CSMD1: variants seen among roughly 807,000 people sequenced by gnomAD.
The protein encoded by CSMD1 is CUB and Sushi multiple domains 1, also known as CUB and sushi domain-containing protein 1.
Under a neutral mutation model 417.5 loss-of-function variants are expected in CSMD1, and 213 were observed. The observed-to-expected ratio is 0.51, with a 90% CI of 0.46 to 0.57. The LOEUF is 0.57. Among genes scored for constraint, CSMD1 ranks in the 20% least tolerant of loss-of-function variants. CSMD1 has a pLI of 0.00. For missense variants in CSMD1, 6,923 were observed against 4,529.7 expected (o/e 1.53, Z -15.17); for synonymous variants, 2,862 against 1,736.8 (o/e 1.65, Z -16.11).
chr8:3,658,740 G>C (rs937622732), intron 7 of CSMD1, among the ~76,000 whole-genome samples: 1 of 152,076 alleles, frequency 6.6e-6, no homozygotes, highest in Non-Finnish European at 1.5e-5. Context: ...CCAAGATCGT[G>C]CCACTGAACT....
At chr8:3,801,472 T>C (rs1449050339) in intron 5 of CSMD1, among the ~76,000 whole-genome samples, 2 of 152,118 alleles carry the variant, frequency 1.3e-5, no homozygotes, top group African/African-American at 2.4e-5. Context: ...CAGATGATAA[T>C]AGGCACTGGC....
intron 3 of CSMD1, among the ~76,000 whole-genome samples, chr8:4,176,320 G>A (rs574154270): frequency 2.0e-5 from 3 of 152,208 alleles, no homozygotes; most frequent in Admixed American, 6.5e-5. Context: ...TATATTGTTT[G>A]CTGACGTCAA....
intron 39 of CSMD1, among the ~76,000 whole-genome samples, chr8:3,153,779 G>A (rs2129036716): frequency 6.6e-6 from 1 of 152,278 alleles, no homozygotes; most frequent in Middle Eastern, 3.4e-3. Flanking sequence ...CTGTGTGATG[G>A]GAAACTGATC....
Position 2,989,839 on chromosome 8 carries a change from T to C in CSMD1, c.8377+8172A>G, listed in dbSNP as rs899544027. 2.6e-5 allele frequency among the ~76,000 whole-genome samples: 4 copies of C among 152,352 alleles called. No homozygotes were observed. The East Asian group carries it at 7.7e-4, about 29-fold the overall frequency. ...ACAAGTTTTGTGTCCAATGCACAGA[T>C]GCCACGGCAGATTGGGTGAGTCTTC... On this transcript the variant is annotated intron_variant, in intron 54 of 69. Coordinates refer to ENST00000635120, the MANE Select transcript of CSMD1 (RefSeq NM_033225.6).
chr8:3,504,494 A>G (rs1325827500), intron 10 of CSMD1, among the ~76,000 whole-genome samples: 1 of 152,152 alleles, frequency 6.6e-6, no homozygotes, highest in Non-Finnish European at 1.5e-5. Context: ...TGTGTTCATT[A>G]TTATCCTCAT....
intron 6 of CSMD1, among the ~76,000 whole-genome samples, chr8:3,731,254 T>G (rs1436774660): frequency 6.6e-6 from 1 of 152,218 alleles, no homozygotes; most frequent in Non-Finnish European, 1.5e-5. Context: ...ATGACGTGCA[T>G]TCTACATTGA....
intron 1 of CSMD1, among the ~76,000 whole-genome samples, chr8:4,941,331 T>C (rs555806030): frequency 1.3e-5 from 2 of 152,304 alleles, no homozygotes; most frequent in East Asian, 3.9e-4. Context: ...ACACGCTTCA[T>C]AATAAATGTT....
chr8:3,929,322 A>G (rs1041932309), intron 5 of CSMD1, among the ~76,000 whole-genome samples: 1 of 150,590 alleles, frequency 6.6e-6, no homozygotes, highest in Non-Finnish European at 1.5e-5. Flanking sequence ...CTCATCTTCC[A>G]GGTACAAACT....
At chr8:2,950,170 T>C (rs937683029) in intron 67 of CSMD1, 61 bp downstream of exon 67, 63 of 1,121,628 alleles carry the variant, frequency 5.6e-5, no homozygotes, top group Non-Finnish European at 7.1e-5. Context: ...AGCCCTTGCA[T>C]CTGCACAGAG....
At chr8:4,066,489 T>C (rs557295606) in intron 3 of CSMD1, among the ~76,000 whole-genome samples, 2 of 152,338 alleles carry the variant, frequency 1.3e-5, no homozygotes, top group East Asian at 1.9e-4. Flanking sequence ...TTAATTAATC[T>C]ATTGACTTGA....
At chr8:3,504,621 T>A (rs1032758523) in intron 10 of CSMD1, among the ~76,000 whole-genome samples, 1 of 152,234 alleles carries the variant, frequency 6.6e-6, no homozygotes, top group Admixed American at 6.5e-5. Context: ...AAAACTCATC[T>A]GTCTTCTCTC....
At chr8:4,120,690 G>A (rs1381006886) in intron 3 of CSMD1, among the ~76,000 whole-genome samples, 1 of 152,198 alleles carries the variant, frequency 6.6e-6, no homozygotes, top group Non-Finnish European at 1.5e-5. Context: ...AAGTTTAGAT[G>A]CCAAATACAT....
chr8:4,654,542 G>C (rs566108960), intron 1 of CSMD1, among the ~76,000 whole-genome samples: 1 of 152,210 alleles, frequency 6.6e-6, no homozygotes, highest in Admixed American at 6.5e-5. Flanking sequence ...AGGCACAGTG[G>C]AGTTTAGAGG....
At chr8:3,773,509 A>C (rs1798729813) in intron 5 of CSMD1, among the ~76,000 whole-genome samples, 1 of 151,434 alleles carries the variant, frequency 6.6e-6, no homozygotes, top group Non-Finnish European at 1.5e-5. Context: ...CTGGTCTTGA[A>C]CTCCTGGACT....
chr8:3,674,810 T>C (rs1164193490), intron 7 of CSMD1, among the ~76,000 whole-genome samples: 2 of 152,132 alleles, frequency 1.3e-5, no homozygotes, highest in African/African-American at 2.4e-5. Context: ...CAATTCCAAA[T>C]GAGGCTGCAC....
At chr8:3,475,193 A>AC (rs34695444) in intron 11 of CSMD1, among the ~76,000 whole-genome samples, 31,515 of 151,878 alleles carry the variant, frequency 0.21, 4,437 homozygotes, top group East Asian at 0.61. Flanking sequence ...CCAGATTAGG[A>AC]TTTTTGCCTC....
intron 25 of CSMD1, among the ~76,000 whole-genome samples, chr8:3,290,576 T>C (rs2117273740): frequency 6.8e-6 from 1 of 146,762 alleles, no homozygotes; most frequent in Admixed American, 6.7e-5. Flanking sequence ...TATTTTGTTC[T>C]CTTTGAAGCA....
At chr8:4,320,894 G>C (rs532428450) in intron 3 of CSMD1, among the ~76,000 whole-genome samples, 31 of 152,178 alleles carry the variant, frequency 2.0e-4, no homozygotes, top group African/African-American at 1.9e-4. Context: ...TGTTTGTTTT[G>C]TTTTTCACTT....
At chr8:4,953,737 G>T (rs1470053601) in intron 1 of CSMD1, among the ~76,000 whole-genome samples, 2 of 152,154 alleles carry the variant, frequency 1.3e-5, no homozygotes, top group East Asian at 3.9e-4. Context: ...AGATTTGGAT[G>T]GAGATCAATA....
Sources: gnomAD v4.1 joint callset for allele counts (sites outside exome capture counted in the v4.1 genomes callset) on GRCh38, gnomAD v4.1.1 for gene constraint, MANE v1.5 for transcripts, NCBI Gene and HGNC (gene_info 2026-07-23, HGNC 2026-07-21) for gene names.